Variants in PDCD6IP observed in about 807,000 individuals in gnomAD.
PDCD6IP encodes the protein programmed cell death 6 interacting protein.
In PDCD6IP, 43 loss-of-function variants were observed where a neutral mutation model predicts 103.7. The ratio of observed to expected loss-of-function variants is 0.41; its 90% confidence interval spans 0.32 to 0.53. PDCD6IP has a LOEUF of 0.53. PDCD6IP is among the 20% of genes least tolerant of loss of function. The pLI is 0.16. For missense variants in PDCD6IP, 871 were observed against 1,036.7 expected (o/e 0.84, Z 2.20); for synonymous variants, 354 against 378.7 (o/e 0.93, Z 0.76).
intron 3 of PDCD6IP, among the ~76,000 whole-genome samples, chr3:33,821,728 T>G (rs1696995620): frequency 6.6e-6 from 1 of 152,208 alleles, no homozygotes; most frequent in South Asian, 2.1e-4. Flanking sequence ...AGAGAAAGAA[T>G]AACTTACTGT....
At chr3:33,812,274 A>G in intron 2 of PDCD6IP, 148 bp downstream of exon 2, 1 of 986,876 alleles carries the variant, frequency 1.0e-6, no homozygotes, top group Non-Finnish European at 1.3e-6. Context: ...GTGCTTCTGA[A>G]GAAAGAATCT....
intron 6 of PDCD6IP, among the ~76,000 whole-genome samples, chr3:33,828,283 A>G (rs1183809779): frequency 3.3e-5 from 5 of 152,160 alleles, no homozygotes; most frequent in Admixed American, 3.3e-4. Context: ...TGTATCTATG[A>G]TACTAAATCA....
At chr3:33,815,661 T>A (rs1396963391) in intron 3 of PDCD6IP, among the ~76,000 whole-genome samples, 2 of 152,164 alleles carry the variant, frequency 1.3e-5, no homozygotes, top group Non-Finnish European at 2.9e-5. Context: ...TTGACTGAAT[T>A]TGCTGACTAC....
intron 1 of PDCD6IP, among the ~76,000 whole-genome samples, chr3:33,807,600 C>T (rs9853874): frequency 0.29 from 43,962 of 151,920 alleles, 6,544 homozygotes; most frequent in East Asian, 0.41. Context: ...GAATTTTGAT[C>T]TCATTGGGGT....
intron 1 of PDCD6IP, among the ~76,000 whole-genome samples, chr3:33,805,659 G>A (rs955338906): frequency 6.6e-6 from 1 of 151,060 alleles, no homozygotes; most frequent in African/African-American, 2.4e-5. Context: ...AACTCAAGCA[G>A]TCCTCCTGTC....
intron 1 of PDCD6IP, among the ~76,000 whole-genome samples, chr3:33,802,492 CTTTTT>C (rs1167190234): frequency 1.4e-5 from 2 of 142,558 alleles, no homozygotes; most frequent in African/African-American, 5.1e-5. Flanking sequence ...TTTCTTTTTT[CTTTTT>C]TTTTTTTTTG....
rs1696731048 is a variant in PDCD6IP at position 33,812,060 on chromosome 3, T to A, written c.210-12T>A. 6.3e-7 allele frequency: 1 copy of A among 1,587,160 alleles called. No homozygotes were observed. Among genetic ancestry groups the A allele is most frequent in the Admixed American group, 1.8e-5 (1 of 54,778 alleles). On this transcript the variant is annotated splice_polypyrimidine_tract_variant and intron_variant, in intron 1 of 17. Coordinates refer to ENST00000307296, the MANE Select transcript of PDCD6IP (RefSeq NM_013374.6). ...TAGCTCTGGTAATTATTAATTCTGC[T>A]CTATTTTTTAGATATTATGATCAGA...
chr3:33,805,127 C>T (rs534353504), intron 1 of PDCD6IP, among the ~76,000 whole-genome samples: 15 of 152,104 alleles, frequency 9.9e-5, no homozygotes, highest in Admixed American at 6.5e-4. Flanking sequence ...GAGGCTGAGG[C>T]GGGTGGATCA....
At chr3:33,858,581 C>T (rs1484729016) in intron 15 of PDCD6IP, among the ~76,000 whole-genome samples, 10 of 152,074 alleles carry the variant, frequency 6.6e-5, no homozygotes, top group Non-Finnish European at 8.8e-5. Flanking sequence ...GAGGCTGAGG[C>T]GGGCGGATCA....
intron 1 of PDCD6IP, chr3:33,811,178 C>T (rs1483780427): frequency 1.0e-5 from 3 of 286,308 alleles, no homozygotes; most frequent in Non-Finnish European, 2.2e-5. Flanking sequence ...ATCTGCTGTG[C>T]CTGGCCCTTT....
chr3:33,861,419 G>A (rs1056620876), intron 15 of PDCD6IP, among the ~76,000 whole-genome samples: 5 of 152,106 alleles, frequency 3.3e-5, no homozygotes, highest in Non-Finnish European at 7.4e-5. Flanking sequence ...GGGATTACAG[G>A]CGTGAGCCAC....
Position 33,798,665 on chromosome 3 carries a change from TCTC to T in PDCD6IP, c.-60_-58del. 7.1e-7 allele frequency: 1 copy of T among 1,404,174 alleles called. No homozygotes were observed. The highest frequency in any genetic ancestry group is 9.6e-7 in the Non-Finnish European group (1 of 1,043,894). 87.0% of individuals were successfully genotyped at this position (1,404,174 alleles called of 1,614,324 possible). A position where few individuals can be genotyped will look rare whatever the true frequency, so the allele number is the denominator to read the frequency against. ...CCAGTCCGCCAGCCCAGTACCTCTC[TCTC>T]CTCGGCCCTCGTAAGCTGTCCGCGG... On this transcript the variant is annotated 5_prime_UTR_variant, in exon 1 of 18. Coordinates refer to ENST00000307296, the MANE Select transcript of PDCD6IP (RefSeq NM_013374.6).
chr3:33,820,058 A>G (rs1575911410), intron 3 of PDCD6IP, among the ~76,000 whole-genome samples: 1 of 152,096 alleles, frequency 6.6e-6, no homozygotes, highest in East Asian at 1.9e-4. Context: ...CCGAGGTGGG[A>G]GGATTGCTTG....
At position 33,845,474 on chromosome 3, in the gene PDCD6IP, G is replaced by A. The variant is rs762949903; in HGVS notation, c.1527G>A (p.Val509=). Residue 509 remains valine, a synonymous_variant, in exon 12 of 18, where the codon GTG becomes GTA. Transcript: ENST00000307296. ...AAGCTGTGCAGGCAGATGGACAAGT[G>A]AAAGAATGTTACCAGTCTCATCGTG... ...LDKAVQADGQ[V]KECYQSHRDT... The A allele has an allele frequency of 6.2e-7, 1 of 1,613,930 alleles. No homozygotes were observed.
intron 13 of PDCD6IP, 29 bp from the exon 14 acceptor site, chr3:33,853,850 G>A: frequency 7.3e-7 from 1 of 1,366,448 alleles, no homozygotes; most frequent in Non-Finnish European, 9.6e-7. Context: ...ATAAATAAAT[G>A]TAAATATGTA....
Position 33,865,351 on chromosome 3 carries a change from G to A in PDCD6IP, c.2353G>A (p.Ala785Thr), listed in dbSNP as rs781655458. The change falls in exon 17 of 18, where the codon GCT (alanine) becomes ACT (threonine). Residue 785 changes from alanine to threonine, a missense_variant. By Grantham distance (58) the Ala-to-Thr change is moderately conservative. Transcript: ENST00000307296. ...AGTGGGGGCTGGGACTGCTGCGCCA[G>A]CTCCATCACAAACGCCTGGCTCAGC... ...SPVGAGTAAP[A>T]PSQTPGSAPP... is the part of the protein sequence containing the mutation. The A allele has an allele frequency of 2.5e-6, 4 of 1,601,532 alleles. No homozygotes were observed. In the Admixed American group the frequency reaches 5.2e-5, roughly 21 times the overall value.
intron 7 of PDCD6IP, among the ~76,000 whole-genome samples, chr3:33,834,916 A>G (rs1322829277): frequency 6.6e-6 from 1 of 152,062 alleles, no homozygotes; most frequent in East Asian, 1.9e-4. Context: ...CTTTTTTTTA[A>G]TCTGGTCCAG....
At chr3:33,814,227 C>T (rs558141504) in intron 3 of PDCD6IP, among the ~76,000 whole-genome samples, 7 of 151,616 alleles carry the variant, frequency 4.6e-5, no homozygotes, top group Non-Finnish European at 8.8e-5. Flanking sequence ...TCACTGCAAC[C>T]TCTGCCTACT....
rs766934233 is a variant in PDCD6IP, at chr3:33,842,074, G to C, written c.1359G>C (p.Glu453Asp). ...LLQRNREILD[E>D]SLRLLDEEEA... ...AACGAAATAGAGAAATCCTAGATGA[G>C]GTATGTTTTATAAGATTTGCTTTTC... The change falls in exon 10 of 18, where the codon GAG becomes GAC. Residue 453 changes from glutamate to aspartate, a missense_variant and splice_region_variant. By Grantham distance (45) the Glu-to-Asp change is conservative (BLOSUM62 2). Transcript: ENST00000307296. 1.4e-5 allele frequency: 22 copies of C among 1,601,684 alleles called. No homozygotes were observed. The highest frequency in any genetic ancestry group is 1.8e-5 in the Non-Finnish European group (21 of 1,172,568).
Sources: allele counts gnomAD v4.1 joint callset (sites outside exome capture counted in the v4.1 genomes callset), GRCh38; gene constraint gnomAD v4.1.1; transcripts MANE v1.5; gene names NCBI Gene and HGNC (gene_info 2026-07-23, HGNC 2026-07-21).